Variants in ABCG1 observed in about 807,000 individuals in gnomAD.
ABCG1 encodes the protein ATP-binding cassette sub-family G member 1.
In ABCG1, 29 loss-of-function variants were observed where a neutral mutation model predicts 69.2. The ratio of observed to expected loss-of-function variants is 0.42; its 90% CI spans 0.31 to 0.57. The LOEUF is 0.57. Ranked by LOEUF, ABCG1 falls within the 20% of genes least tolerant of loss-of-function variation. The pLI, the probability that ABCG1 is intolerant of heterozygous loss-of-function variation, is 0.15. For synonymous variants in ABCG1, 370 were observed against 374.8 expected, an observed-to-expected ratio of 0.99 and a Z score of 0.15; for missense variants, 718 against 898.1, an observed-to-expected ratio of 0.80 and a Z score of 2.56.
In ABCG1 at chr21:42,223,424, AAT is replaced by A. The variant is rs1221945232; in HGVS notation, c.43-2246_43-2245del. Among the ~76,000 whole-genome samples, 90 of 151,928 alleles carry A rather than the reference AAT, an allele frequency of 5.9e-4. 1 individual carries two copies. Among genetic ancestry groups the A allele is most frequent in the African/African-American group, 2.1e-3 (86 of 41,398 alleles). ...CCTGGCTCTTGGCTTGACCTATTGT[AAT>A]TAGTTGGTCTTCCTCAAAATGAAAG... On this transcript the variant is annotated intron_variant, in intron 1 of 14. Coordinates refer to ENST00000398449, the MANE Select transcript of ABCG1 (RefSeq NM_016818.3).
intron 1 of ABCG1, among the ~76,000 whole-genome samples, chr21:42,223,123 C>A (rs1010912043): frequency 2.0e-5 from 3 of 152,212 alleles, no homozygotes; most frequent in Non-Finnish European, 4.4e-5. Context: ...TATTCTAAAG[C>A]CCCCTACTCT....
rs766964836 is a variant in ABCG1 at position 42,285,970 on chromosome 21, A to T, written c.949A>T (p.Thr317Ser). The T allele has an allele frequency of 2.5e-6, 4 of 1,613,740 alleles. No individual in the cohort carries two copies. Among genetic ancestry groups the T allele is most frequent in the Non-Finnish European group, 3.4e-6 (4 of 1,179,724 alleles). Residue 317 changes from threonine to serine, a missense_variant, in exon 8 of 15, where the codon ACC becomes TCC. Physicochemically the swap from Thr to Ser is moderately conservative, Grantham distance 58 (BLOSUM62 1). Around this residue, in one of 2 missense-constraint regions of ABCG1, gnomAD observed 514 missense variants for 574.3 expected, o/e 0.90. Coordinates refer to ENST00000398449, the MANE Select transcript of ABCG1 (RefSeq NM_016818.3). ...GAGGGATTTGGGTCTGAACTGCCCAACCTACCACAACCCAGCAGATTTTGG... is the reference window on the plus strand; with the variant it reads ...GAGGGATTTGGGTCTGAACTGCCCATCCTACCACAACCCAGCAGATTTTGG... ...YLRDLGLNCP[T>S]YHNPADFVME...
At chr21:42,293,124 CACCA>C (rs2069112751) in intron 13 of ABCG1, among the ~76,000 whole-genome samples, 1 of 142,014 alleles carries the variant, frequency 7.0e-6, no homozygotes, top group Non-Finnish European at 1.5e-5. Flanking sequence ...ACACTACACA[CACCA>C]CACACTACAC....
At chr21:42,248,388 C>A (rs2068165272) in intron 2 of ABCG1, among the ~76,000 whole-genome samples, 2 of 152,112 alleles carry the variant, frequency 1.3e-5, no homozygotes. Flanking sequence ...AACTAGAGAA[C>A]CCTGGAGCAA....
chr21:42,270,129 A>G (rs2068589178), intron 2 of ABCG1, among the ~76,000 whole-genome samples: 2 of 152,130 alleles, frequency 1.3e-5, no homozygotes, highest in Non-Finnish European at 2.9e-5. Flanking sequence ...GCATGGTGGC[A>G]GGCGCCTCTA....
chr21:42,216,197 G>A (rs1045222839), upstream of ABCG1: 13 of 447,116 alleles, frequency 2.9e-5, no homozygotes, highest in East Asian at 2.2e-4. Flanking sequence ...CTGTGAGTCC[G>A]TTAAATCTCT....
chr21:42,222,503 A>G (rs2067745076), intron 1 of ABCG1, among the ~76,000 whole-genome samples: 1 of 152,218 alleles, frequency 6.6e-6, no homozygotes, highest in Non-Finnish European at 1.5e-5. Flanking sequence ...CACCCGTGGA[A>G]GGCTAAGCAA....
upstream of ABCG1, among the ~76,000 whole-genome samples, chr21:42,213,119 G>C (rs117674260): frequency 7.5e-3 from 1,137 of 152,396 alleles, 4 homozygotes; most frequent in Non-Finnish European, 0.012. Context: ...GTTTCAGGCA[G>C]AGATTAGCAT....
chr21:42,275,264 G>A (rs2068689656), intron 4 of ABCG1, among the ~76,000 whole-genome samples: 1 of 152,186 alleles, frequency 6.6e-6, no homozygotes, highest in Non-Finnish European at 1.5e-5. Context: ...GTTCCCATTC[G>A]TGTTCCCTGG....
chr21:42,283,775 TAC>T (rs1491275689), intron 6 of ABCG1, among the ~76,000 whole-genome samples: 4 of 38,890 alleles, frequency 1.0e-4, no homozygotes, highest in African/African-American at 2.1e-4. Flanking sequence ...AGTTGTGAAG[TAC>T]CCCCCAACCC....
exon 2 of ABCG1, chr21:42,201,637 C>T (rs1323495351): frequency 3.8e-6 from 6 of 1,591,942 alleles, no homozygotes; most frequent in Middle Eastern, 1.7e-4. Flanking sequence ...GCTCAGCAGA[C>T]ATCAGGGATC....
At chr21:42,228,369 C>T (rs1335928689) in intron 2 of ABCG1, among the ~76,000 whole-genome samples, 2 of 152,198 alleles carry the variant, frequency 1.3e-5, no homozygotes, top group Non-Finnish European at 2.9e-5. Flanking sequence ...GTTTTGCTGT[C>T]TGGCTTCCTA....
intron 2 of ABCG1, among the ~76,000 whole-genome samples, chr21:42,247,495 G>A (rs1291345722): frequency 2.6e-5 from 4 of 152,186 alleles, no homozygotes; most frequent in South Asian, 4.1e-4. Flanking sequence ...TTTAGGTAAC[G>A]GGAGAGTATG....
At chr21:42,246,976 T>C (rs1182869002) in intron 2 of ABCG1, among the ~76,000 whole-genome samples, 1 of 152,210 alleles carries the variant, frequency 6.6e-6, no homozygotes, top group Non-Finnish European at 1.5e-5. Flanking sequence ...TTGACCGTGA[T>C]TTTAAAACTA....
rs754457999 is a variant in ABCG1 at position 42,225,844 on chromosome 21, G to A, written c.216G>A (p.Arg72=). ...AGCGCTTCTCCTCCTTGCCTCGGAG[G>A]GCAGCTGTGAACATTGAATTCAGGG... The part of the protein sequence containing the change: ...EAQRFSSLPR[R]AAVNIEFRDL... Residue 72 remains arginine (R), a synonymous_variant, in exon 2 of 15, where the codon AGG becomes AGA. Transcript: ENST00000398449. 1.2e-6 allele frequency: 2 copies of A among 1,614,032 alleles called. No individual in the cohort carries two copies. The highest frequency in any genetic ancestry group is 4.5e-5 in the East Asian group (2 of 44,858).
intron 4 of ABCG1, among the ~76,000 whole-genome samples, chr21:42,274,339 T>C (rs1290739042): frequency 6.6e-6 from 1 of 152,214 alleles, no homozygotes; most frequent in African/African-American, 2.4e-5. Flanking sequence ...TTTGGGGAAG[T>C]TTAAAAATAT....
intron 2 of ABCG1, among the ~76,000 whole-genome samples, chr21:42,241,005 A>T (rs1377941847): frequency 2.0e-5 from 3 of 152,216 alleles, no homozygotes; most frequent in African/African-American, 7.2e-5. Context: ...GCATGGGCAG[A>T]CCCTCTGAAG....
At chr21:42,272,731 T>C (rs225399) in intron 3 of ABCG1, among the ~76,000 whole-genome samples, 35,060 of 152,162 alleles carry the variant, frequency 0.23, 5,020 homozygotes, top group African/African-American at 0.4. Flanking sequence ...GTGCCTGCCT[T>C]GCATGAGCAC....
chr21:42,290,125 A>T lies in ABCG1; in HGVS notation c.1300A>T (p.Asn434Tyr). ...TGGCCTGCTGTACTTGGGGATCGGG[A>T]ACGAAGCCAAGAAGGTCTTGAGCAA... ...LIGLLYLGIG[N>Y]EAKKVLSNSG... Residue 434 changes from asparagine (N) to tyrosine (Y), a missense_variant, in exon 11 of 15, where the codon AAC (asparagine) becomes TAC (tyrosine). This residue lies in a region of ABCG1 where 204 missense variants were observed against 323.8 expected (regional missense o/e 0.63). Transcript: ENST00000398449. 1 of 1,614,178 alleles carries T rather than the reference A, an allele frequency of 6.2e-7. No homozygotes were observed. The highest frequency in any genetic ancestry group is 8.5e-7 in the Non-Finnish European group (1 of 1,180,034).
Sources: allele counts gnomAD v4.1 joint callset (sites outside exome capture counted in the v4.1 genomes callset), GRCh38; gene constraint gnomAD v4.1.1; regional missense constraint gnomAD v4.1.1; transcripts MANE v1.5; gene names NCBI Gene and HGNC (gene_info 2026-07-23, HGNC 2026-07-21).